Variants in CCDC91 observed in about 807,000 individuals in gnomAD.
CCDC91 encodes coiled-coil domain-containing protein 91.
A neutral mutation model predicts 63.2 loss-of-function variants in CCDC91; 48 were observed. That is an observed-to-expected ratio of 0.76 (90% CI 0.60 to 0.97). The LOEUF (loss-of-function observed/expected upper bound fraction) is 0.97, where lower values mean the gene tolerates loss of function less well. Among genes scored for constraint, CCDC91 ranks in the 50% least tolerant of loss-of-function variants. The pLI, the probability that CCDC91 is intolerant of heterozygous loss-of-function variation, is 0.00. For missense variants in CCDC91, 500 were observed against 494.6 expected (o/e 1.01, Z -0.10); for synonymous variants, 167 against 165.8 (o/e 1.01, Z -0.06).
chr12:28,273,060 G>C (rs1224133735), intron 3 of CCDC91, among the ~76,000 whole-genome samples: 1 of 141,470 alleles, frequency 7.1e-6, no homozygotes, highest in African/African-American at 2.7e-5. Flanking sequence ...TCATTGTTCA[G>C]TTCCCACCTA....
At position 28,342,847 on chromosome 12, in the gene CCDC91, T is replaced by A. The variant is rs553563073; in HGVS notation, c.577-19591T>A. On this transcript the variant is annotated intron_variant, in intron 6 of 12. Coordinates refer to ENST00000536442, the MANE Select transcript of CCDC91 (RefSeq NM_018318.5). The stretch of plus-strand genomic sequence containing the variant: ...TCTGTTAGCTTCCATTTTATAAGAA[T>A]GGAGTAAAGAGAGTTGAGGAGATAT... 3.9e-5 allele frequency among the ~76,000 whole-genome samples: 6 copies of A among 152,194 alleles called. No homozygotes were observed. The East Asian group carries it at 9.6e-4, about 24-fold the overall frequency.
At chr12:28,436,441 A>C (rs551754930) in intron 8 of CCDC91, among the ~76,000 whole-genome samples, 2 of 151,926 alleles carry the variant, frequency 1.3e-5, no homozygotes, top group South Asian at 4.1e-4. Flanking sequence ...CATTTCACTT[A>C]TACTCAGCAG....
chr12:28,363,264 G>T (rs953174795), intron 7 of CCDC91, among the ~76,000 whole-genome samples: 3 of 151,556 alleles, frequency 2.0e-5, no homozygotes, highest in African/African-American at 7.3e-5. Context: ...GTTTTGAATT[G>T]ATTAAAAAAA....
At chr12:28,379,226 C>T (rs936730540) in intron 7 of CCDC91, among the ~76,000 whole-genome samples, 4 of 152,002 alleles carry the variant, frequency 2.6e-5, no homozygotes, top group African/African-American at 9.7e-5. Flanking sequence ...AAATACCATT[C>T]AGGACATAGG....
intron 1 of CCDC91, among the ~76,000 whole-genome samples, chr12:28,213,097 C>T (rs1943338560): frequency 6.6e-6 from 1 of 152,136 alleles, no homozygotes; most frequent in Admixed American, 6.6e-5. Context: ...TCTTCTTTGC[C>T]AGTTGAAGAG....
At chr12:28,396,083 C>T (rs2139396120) in intron 8 of CCDC91, among the ~76,000 whole-genome samples, 1 of 152,192 alleles carries the variant, frequency 6.6e-6, no homozygotes, top group South Asian at 2.1e-4. Context: ...TAATACAAAA[C>T]TACATTCAAG....
intron 11 of CCDC91, among the ~76,000 whole-genome samples, chr12:28,458,109 G>T (rs1592729115): frequency 6.6e-6 from 1 of 151,866 alleles, no homozygotes; most frequent in Non-Finnish European, 1.5e-5. Flanking sequence ...TTTTAAAAAA[G>T]GAAATAGCAT....
intron 3 of CCDC91, among the ~76,000 whole-genome samples, chr12:28,269,376 A>G (rs1034724259): frequency 3.3e-5 from 5 of 151,930 alleles, no homozygotes; most frequent in Non-Finnish European, 7.4e-5. Flanking sequence ...TATCTATTCC[A>G]TATCCCACCC....
chr12:28,219,468 A>ATTTT (rs752030088), intron 1 of CCDC91, among the ~76,000 whole-genome samples: 54 of 121,624 alleles, frequency 4.4e-4, no homozygotes, highest in African/African-American at 1.7e-3. Flanking sequence ...CAGTGTAACC[A>ATTTT]TTTTTTTTTT....
At chr12:28,410,909 T>C (rs1161449331) in intron 8 of CCDC91, among the ~76,000 whole-genome samples, 2 of 152,202 alleles carry the variant, frequency 1.3e-5, no homozygotes, top group East Asian at 1.9e-4. Context: ...TTGTTTTCTG[T>C]CTGTTCCTTG....
chr12:28,196,385 G>C (rs1941770001), intron 1 of CCDC91, among the ~76,000 whole-genome samples: 1 of 152,136 alleles, frequency 6.6e-6, no homozygotes, highest in African/African-American at 2.4e-5. Flanking sequence ...AGCTACTGCT[G>C]TCTGCTGGTA....
intron 8 of CCDC91, among the ~76,000 whole-genome samples, chr12:28,394,233 A>G (rs192917128): frequency 1.5e-3 from 231 of 152,230 alleles, no homozygotes; most frequent in Non-Finnish European, 2.9e-3. Flanking sequence ...TTGGGAGGCC[A>G]CGGCGGGCCG....
intron 8 of CCDC91, among the ~76,000 whole-genome samples, chr12:28,417,419 C>G (rs1193277308): frequency 6.6e-6 from 1 of 151,994 alleles, no homozygotes; most frequent in African/African-American, 2.4e-5. Flanking sequence ...TATTCCCCAT[C>G]CCTGATACTT....
chr12:28,227,034 G>A (rs1477260956), intron 1 of CCDC91, among the ~76,000 whole-genome samples: 1 of 152,128 alleles, frequency 6.6e-6, no homozygotes, highest in African/African-American at 2.4e-5. Context: ...TTTTTAGGAG[G>A]AAGAGCATAG....
intron 8 of CCDC91, among the ~76,000 whole-genome samples, chr12:28,411,902 C>T (rs1035730713): frequency 4.6e-5 from 7 of 152,166 alleles, no homozygotes; most frequent in Admixed American, 2.0e-4. Flanking sequence ...AGGCATCACA[C>T]CATTCATGAG....
chr12:28,405,848 A>G (rs1946901706), intron 8 of CCDC91, among the ~76,000 whole-genome samples: 1 of 152,154 alleles, frequency 6.6e-6, no homozygotes, highest in South Asian at 2.1e-4. Flanking sequence ...TTTGTCCTAT[A>G]TATTTAGATA....
chr12:28,322,047 T>C (rs1358974417), intron 6 of CCDC91, among the ~76,000 whole-genome samples: 1 of 151,748 alleles, frequency 6.6e-6, no homozygotes, highest in Non-Finnish European at 1.5e-5. Context: ...GCATTAGAAA[T>C]GTTTATTTTC....
chr12:28,219,191 A>G (rs1943766530), intron 1 of CCDC91, among the ~76,000 whole-genome samples: 1 of 152,082 alleles, frequency 6.6e-6, no homozygotes, highest in Non-Finnish European at 1.5e-5. Flanking sequence ...CATTTTTCTA[A>G]TTTCTAATGA....
chr12:28,236,476 T>C (rs1944956673), intron 1 of CCDC91: 1 of 152,024 alleles, frequency 6.6e-6, no homozygotes, highest in South Asian at 2.1e-4. Flanking sequence ...TTGTATCTGT[T>C]ATTTTTATGG....
Sources: gnomAD v4.1 joint callset for allele counts (sites outside exome capture counted in the v4.1 genomes callset) on GRCh38, gnomAD v4.1.1 for gene constraint, MANE v1.5 for transcripts, NCBI Gene and HGNC (gene_info 2026-07-23, HGNC 2026-07-21) for gene names.